MAGEB3: variants seen among roughly 807,000 people sequenced by gnomAD.
MAGEB3 encodes the protein melanoma-associated antigen B3.
For synonymous variants in MAGEB3, 91 were observed against 93.0 expected (o/e 0.98, Z 0.12); for missense variants, 191 against 262.4 (o/e 0.73, Z 1.88).
intron 4 of MAGEB3, among the ~76,000 whole-genome samples, chrX:30,235,030 A>C (rs867122976): frequency 1.8e-5 from 2 of 111,733 alleles, no homozygotes; most frequent in Non-Finnish European, 3.8e-5. Flanking sequence ...CTTACTGCCT[A>C]GAGAGTGCCA....
At position 30,236,515 on chromosome X, in the gene MAGEB3, A is replaced by G. The variant is rs1338189912; in HGVS notation, c.591A>G (p.Gly197=). The G allele has an allele frequency of 8.3e-7, 1 of 1,211,617 alleles. No homozygotes were observed. The highest frequency in any genetic ancestry group is 1.1e-6 in the Non-Finnish European group (1 of 895,316). Residue 197 remains glycine (G), a synonymous_variant, in exon 5 of 5, where the codon GGA becomes GGG. Coordinates refer to ENST00000361644, the MANE Select transcript of MAGEB3 (RefSeq NM_002365.5). Reference sequence around the variant, plus strand: ...ATGGGACAGTGACTCGTGGGAGGGGATTTCCCAAGACAGGTCTCCTGCTGA... The same window carrying G: ...ATGGGACAGTGACTCGTGGGAGGGGGTTTCCCAAGACAGGTCTCCTGCTGA... ...PNNGTVTRGR[G]FPKTGLLLNL...
chrX:30,233,850 G>A (rs1043485185), intron 4 of MAGEB3, among the ~76,000 whole-genome samples: 1 of 111,653 alleles, frequency 9.0e-6, no homozygotes, highest in African/African-American at 3.3e-5. Context: ...GGGAGGTCCT[G>A]GTTGAGTTCT....
intron 4 of MAGEB3, among the ~76,000 whole-genome samples, chrX:30,233,653 C>T (rs1379323717): frequency 9.2e-6 from 1 of 109,167 alleles, no homozygotes; most frequent in African/African-American, 3.3e-5. Context: ...TTACTCTGCT[C>T]CGCTTAGTAA....
Position 30,235,947 on chromosome X carries a change from C to T in MAGEB3, c.23C>T (p.Thr8Met), listed in dbSNP as rs201131077. 1.2e-4 allele frequency: 145 copies of T among 1,204,830 alleles called. No homozygotes were observed. The highest frequency in any genetic ancestry group is 2.3e-4 in the Middle Eastern group (1 of 4,340). MPRGQKS[T>M]LHAREKRQQT... ...ATCATGCCTCGGGGTCAGAAGAGTACGCTCCATGCACGTGAGAAACGCCAG... is the reference window on the plus strand; with the variant it reads ...ATCATGCCTCGGGGTCAGAAGAGTATGCTCCATGCACGTGAGAAACGCCAG... Residue 8 changes from threonine (T) to methionine (M), a missense_variant, in exon 5 of 5, where the codon ACG becomes ATG. Coordinates refer to ENST00000361644, the MANE Select transcript of MAGEB3 (RefSeq NM_002365.5).
rs563030883 is a variant in MAGEB3 at position 30,234,201 on chromosome X, G to A, written c.-62+838G>A. Among the ~76,000 whole-genome samples the A allele has an allele frequency of 1.5e-3, 167 of 110,884 alleles. 4 individuals carry two copies. In the South Asian group the frequency reaches 0.063, roughly 42 times the overall value. On this transcript the variant is annotated intron_variant, in intron 4 of 4. Transcript: ENST00000361644. ...GGAGGGAAGTGTTCAGGGAGATGAGGGTTTTGTTTGGAGGTTGGCGAACTC... is the reference window on the plus strand; with the variant it reads ...GGAGGGAAGTGTTCAGGGAGATGAGAGTTTTGTTTGGAGGTTGGCGAACTC...
chrX:30,237,287 C>A lies in MAGEB3; in HGVS notation c.*322C>A. On this transcript the variant is annotated 3_prime_UTR_variant, in exon 5 of 5. Coordinates refer to ENST00000361644, the MANE Select transcript of MAGEB3 (RefSeq NM_002365.5). ...CAAGATAACTTGGAATTAGAATAAG[C>A]ATTTCCTTGAAAATGTTTAAAAAAA... 1 of 207,561 alleles carries A rather than the reference C, an allele frequency of 4.8e-6. No homozygotes were observed. The highest frequency in any genetic ancestry group is 9.3e-6 in the Non-Finnish European group (1 of 107,962). 17.1% of individuals were successfully genotyped at this position (207,561 alleles called of 1,213,427 possible).
In MAGEB3 at chrX:30,235,219, A is replaced by G. The variant is rs530672069; in HGVS notation, c.-61-645A>G. On this transcript the variant is annotated intron_variant, in intron 4 of 4. Transcript: ENST00000361644. ...ACTTGCAGCGCTGATGAGGCTGGGCATGGAGGTCAGGTGTATGTGAACTCA... is the reference window on the plus strand; with the variant it reads ...ACTTGCAGCGCTGATGAGGCTGGGCGTGGAGGTCAGGTGTATGTGAACTCA... 4.5e-5 allele frequency among the ~76,000 whole-genome samples: 5 copies of G among 111,718 alleles called. No homozygotes were observed. In the South Asian group the frequency reaches 1.9e-3, roughly 43 times the overall value.
intron 4 of MAGEB3, among the ~76,000 whole-genome samples, chrX:30,235,293 G>A (rs1279485500): frequency 9.0e-6 from 1 of 111,588 alleles, no homozygotes; most frequent in Non-Finnish European, 1.9e-5. Flanking sequence ...CTAAAGTGAG[G>A]GGCATCAGAG....
intron 3 of MAGEB3, 138 bp downstream of exon 3, chrX:30,233,054 A>C (rs1428188765): frequency 3.7e-5 from 4 of 108,006 alleles, no homozygotes; most frequent in Non-Finnish European, 7.7e-5. Flanking sequence ...CACTGTCTCA[A>C]ATTAGCCGGG....
chrX:30,236,234 G>A lies in MAGEB3; in HGVS notation c.310G>A (p.Val104Met), dbSNP rs763872315. Residue 104 changes from valine (V) to methionine (M), a missense_variant, in exon 5 of 5, where the codon GTG (valine) becomes ATG (methionine). Val to Met is a conservative substitution (Grantham distance 21, BLOSUM62 1). Transcript: ENST00000361644. ...CTTCTCTCAGGGTCTATCCTCCACT[G>A]TGCAGTCTCGCACAGACCCTCTAAT... ...QSFSQGLSST[V>M]QSRTDPLIMK... 3 of 1,209,753 alleles carry A rather than the reference G, an allele frequency of 2.5e-6. No individual in the cohort carries two copies. The South Asian group carries it at 5.3e-5, about 21-fold the overall frequency.
In MAGEB3 at chrX:30,236,969, A is replaced by C. The variant is rs754593997; in HGVS notation, c.*4A>C. 1 of 1,180,651 alleles carries C rather than the reference A, an allele frequency of 8.5e-7. No individual in the cohort carries two copies. Among genetic ancestry groups the C allele is most frequent in the East Asian group, 3.0e-5 (1 of 33,321 alleles). On this transcript the variant is annotated 3_prime_UTR_variant, in exon 5 of 5. Transcript: ENST00000361644. ...TAGCAGCTCTTCCCACGCCTAGTGAAGTTGAAGCAAATTTTGCATTTTGTG... is the reference window on the plus strand; with the variant it reads ...TAGCAGCTCTTCCCACGCCTAGTGACGTTGAAGCAAATTTTGCATTTTGTG...
rs1439362614 is a variant in MAGEB3 at position 30,233,244 on chromosome X, T to TG, written c.-163-18_-163-17insG. The TG allele has an allele frequency of 9.7e-6, 1 of 102,571 alleles. No individual in the cohort carries two copies. The highest frequency in any genetic ancestry group is 2.0e-5 in the Non-Finnish European group (1 of 50,297). The allele number at this position is 102,571 out of a possible 1,213,427, so 8.5% of individuals were successfully genotyped here. A position where few individuals can be genotyped will look rare whatever the true frequency, so the allele number is the denominator to read the frequency against. On this transcript the variant is annotated splice_polypyrimidine_tract_variant and intron_variant, in intron 3 of 4. Transcript: ENST00000361644. ...AATAAATAAATAGATATAAACTTTT[T>TG]TTTTTTTTAATTTTAAGGCAGGGCT...
chrX:30,236,749 G>T lies in MAGEB3; in HGVS notation c.825G>T (p.Trp275Cys). The T allele has an allele frequency of 8.2e-7, 1 of 1,212,182 alleles. No individual in the cohort carries two copies. Among genetic ancestry groups the T allele is most frequent in the Non-Finnish European group, 1.1e-6 (1 of 895,582 alleles). ...NSNPARYEFL[W>C]GPRAHAETSK... ...ATCCTGCACGCTATGAATTCCTGTG[G>T]GGTCCAAGAGCCCATGCTGAAACCA... The change falls in exon 5 of 5, where the codon TGG becomes TGT. Residue 275 changes from tryptophan to cysteine, a missense_variant. Coordinates refer to ENST00000361644, the MANE Select transcript of MAGEB3 (RefSeq NM_002365.5).
rs1010020033 is a variant in MAGEB3 at position 30,236,902 on chromosome X, T to A, written c.978T>A (p.Asp326Glu). The A allele has an allele frequency of 7.4e-6, 9 of 1,209,807 alleles. No individual in the cohort carries two copies. The highest frequency in any genetic ancestry group is 1.0e-5 in the Non-Finnish European group (9 of 895,038). ...TCCAAGCTGCAGCTATGCTCAATGA[T>A]GGCAGTAGTGCCATGGGCAGAAAGT... ...ERVQAAAMLN[D>E]GSSAMGRKCS... Residue 326 changes from aspartate to glutamate, a missense_variant, in exon 5 of 5, where the codon GAT becomes GAA. Asp to Glu is a conservative substitution (Grantham distance 45, BLOSUM62 2). Transcript: ENST00000361644.
At position 30,231,247 on chromosome X, in the gene MAGEB3, G is replaced by A. The variant is rs1266725249; in HGVS notation, c.-355-270G>A. On this transcript the variant is annotated intron_variant, in intron 1 of 4. Transcript: ENST00000361644. ...GTGGGAGGATCGCTTAAGCCCTAGG[G>A]GTCAAGGCTGCAGTGAGCCAAGGTC... is the stretch of plus-strand genomic sequence containing the variant. 1.0e-4 allele frequency among the ~76,000 whole-genome samples: 11 copies of A among 107,167 alleles called. No homozygotes were observed. In the South Asian group the frequency reaches 2.0e-3, roughly 20 times the overall value. 93.1% of individuals were successfully genotyped at this position (107,167 alleles called of 115,157 possible).
Position 30,233,322 on chromosome X carries a change from G to A in MAGEB3, c.-103G>A, listed in dbSNP as rs1924872049. On this transcript the variant is annotated 5_prime_UTR_variant, in exon 4 of 5. Coordinates refer to ENST00000361644, the MANE Select transcript of MAGEB3 (RefSeq NM_002365.5). ...TTGGGAGGACGAAGCCAGCCTCATC[G>A]CTTAAGCACAGGAGTTCGAGGACTG... 1 of 89,921 alleles carries A rather than the reference G, an allele frequency of 1.1e-5. No homozygotes were observed. The highest frequency in any genetic ancestry group is 4.1e-5 in the African/African-American group (1 of 24,173). The allele number at this position is 89,921 out of a possible 1,213,427, so 7.4% of individuals were successfully genotyped here.
rs1157280010 is a variant in MAGEB3, at chrX:30,236,706, G to A, written c.782G>A (p.Arg261Gln). The A allele has an allele frequency of 4.1e-6, 5 of 1,210,731 alleles. No individual in the cohort carries two copies. Among genetic ancestry groups the A allele is most frequent in the African/African-American group, 1.7e-5 (1 of 57,343 alleles). Residue 261 changes from arginine (R) to glutamine (Q), a missense_variant, in exon 5 of 5, where the codon CGA becomes CAA. Arg to Gln is a conservative substitution (Grantham distance 43). Transcript: ENST00000361644. ...DLVKLKYLEY[R>Q]QVPNSNPARY... is the part of the protein sequence containing the mutation. ...GTGAAGCTTAAATACCTGGAGTACC[G>A]ACAAGTGCCCAACAGTAATCCTGCA... is the stretch of plus-strand genomic sequence containing the variant.
chrX:30,233,214 A>G (rs999630126), intron 3 of MAGEB3, 48 bp from the exon 4 acceptor site: 1 of 101,087 alleles, frequency 9.9e-6, no homozygotes, highest in African/African-American at 3.7e-5. Context: ...CAAAATAAAT[A>G]AATAAATAAA....
At chrX:30,235,208 T>C (rs1266917759) in intron 4 of MAGEB3, among the ~76,000 whole-genome samples, 1 of 111,544 alleles carries the variant, frequency 9.0e-6, no homozygotes. Flanking sequence ...GCAGCGCTGA[T>C]GAGGCTGGGC....
Sources: gnomAD v4.1 joint callset for allele counts (sites outside exome capture counted in the v4.1 genomes callset) on GRCh38, gnomAD v4.1.1 for gene constraint, MANE v1.5 for transcripts, NCBI Gene and HGNC (gene_info 2026-07-23, HGNC 2026-07-21) for gene names.